The following GSE1 variants were observed in gnomAD, a reference collection of about 807,000 sequenced individuals.
GSE1 encodes genetic suppressor element 1.
In GSE1, 32 loss-of-function variants were observed where a neutral mutation model predicts 112.6. The observed-to-expected ratio is 0.28, with a 90% CI of 0.21 to 0.38. The LOEUF (loss-of-function observed/expected upper bound fraction) is 0.38, where lower values mean the gene tolerates loss of function less well. Among genes scored for constraint, GSE1 ranks in the 10% least tolerant of loss-of-function variants. The pLI is 1.00. For synonymous variants in GSE1, 1,115 were observed against 735.6 expected, an observed-to-expected ratio of 1.52 and a Z score of -8.35; for missense variants, 2,348 against 1,699.2, an observed-to-expected ratio of 1.38 and a Z score of -6.71.
Position 85,528,722 on chromosome 16 carries a change from G to T in GSE1, c.2465-105192G>T, listed in dbSNP as rs1190864321. ...AGGAAGGGCCTTCTGATACCCTTTGGCAGAGCACAGAAGAAACCAAGGGTG... is the reference window on the plus strand; with the variant it reads ...AGGAAGGGCCTTCTGATACCCTTTGTCAGAGCACAGAAGAAACCAAGGGTG... On this transcript the variant is annotated intron_variant, in intron 2 of 2. Coordinates refer to the GSE1 transcript ENST00000637419. Among the ~76,000 whole-genome samples, 5 of 152,132 alleles carry T rather than the reference G, an allele frequency of 3.3e-5. No homozygotes were observed. The East Asian group carries it at 9.6e-4, about 29-fold the overall frequency.
At chr16:85,461,914 C>G (rs888838059) in intron 2 of GSE1, among the ~76,000 whole-genome samples, 3 of 152,156 alleles carry the variant, frequency 2.0e-5, no homozygotes, top group African/African-American at 4.8e-5. Context: ...CCTTCCTGCT[C>G]TCCTCCCAGC....
At chr16:85,220,886 G>A (rs538042186) in intron 1 of GSE1, among the ~76,000 whole-genome samples, 2 of 150,880 alleles carry the variant, frequency 1.3e-5, no homozygotes, top group East Asian at 2.0e-4. Context: ...TTCCCAAATC[G>A]TGCCCCCCAC....
chr16:85,241,976 G>A (rs183835019), intron 1 of GSE1, among the ~76,000 whole-genome samples: 2 of 152,082 alleles, frequency 1.3e-5, no homozygotes, highest in Non-Finnish European at 2.9e-5. Flanking sequence ...CCCAGTTGCT[G>A]TCTGCACCTG....
chr16:85,481,626 C>T (rs1011290741), intron 2 of GSE1, among the ~76,000 whole-genome samples: 5 of 152,148 alleles, frequency 3.3e-5, no homozygotes, highest in Admixed American at 1.3e-4. Flanking sequence ...TCTGGAAGTG[C>T]TTGATGTGGT....
chr16:85,195,763 G>T (rs2074914919), intron 1 of GSE1, among the ~76,000 whole-genome samples: 1 of 152,224 alleles, frequency 6.6e-6, no homozygotes, highest in South Asian at 2.1e-4. Context: ...TGCTGAGACT[G>T]TCCCGGAAAG....
At chr16:85,385,045 C>T (rs2151630462) in intron 2 of GSE1, among the ~76,000 whole-genome samples, 1 of 152,392 alleles carries the variant, frequency 6.6e-6, no homozygotes, top group Non-Finnish European at 1.5e-5. Flanking sequence ...TCATAAAAGT[C>T]TCACTGGCTC....
intron 2 of GSE1, among the ~76,000 whole-genome samples, chr16:85,396,636 A>G (rs2047972729): frequency 6.6e-6 from 1 of 152,194 alleles, no homozygotes; most frequent in East Asian, 1.9e-4. Flanking sequence ...TGGGAGCAGG[A>G]TTTCTGCTCA....
chr16:85,610,001 T>C (rs978327589), upstream of GSE1, among the ~76,000 whole-genome samples: 1 of 152,220 alleles, frequency 6.6e-6, no homozygotes, highest in Non-Finnish European at 1.5e-5. Flanking sequence ...GCAGGTCTAA[T>C]AGGTTCCAGG....
intron 1 of GSE1, among the ~76,000 whole-genome samples, 173 bp downstream of exon 1, chr16:85,613,571 C>T (rs924405289): frequency 6.6e-6 from 1 of 151,488 alleles, no homozygotes; most frequent in African/African-American, 2.4e-5. Context: ...CAAAGGCCAC[C>T]CCCTTCCTCC....
At chr16:85,527,758 C>T (rs1049160563) in intron 2 of GSE1, among the ~76,000 whole-genome samples, 14 of 152,228 alleles carry the variant, frequency 9.2e-5, no homozygotes, top group Non-Finnish European at 1.8e-4. Context: ...TTGCCCACAC[C>T]GATGGACGTG....
intron 2 of GSE1, among the ~76,000 whole-genome samples, chr16:85,488,711 G>C (rs1434842073): frequency 2.0e-5 from 3 of 152,196 alleles, no homozygotes; most frequent in East Asian, 1.9e-4. Flanking sequence ...GTGAGGTGGA[G>C]AGCAGAGGAC....
chr16:85,495,495 T>G (rs1199987888), intron 2 of GSE1, among the ~76,000 whole-genome samples: 2 of 151,176 alleles, frequency 1.3e-5, no homozygotes, highest in Admixed American at 1.3e-4. Context: ...ATTTATTCAT[T>G]TATGTTTTAT....
chr16:85,263,896 A>G (rs1203360583), intron 1 of GSE1, among the ~76,000 whole-genome samples: 1 of 152,150 alleles, frequency 6.6e-6, no homozygotes, highest in African/African-American at 2.4e-5. Flanking sequence ...TGTATTCGTC[A>G]TTCCAGGTCT....
chr16:85,664,894 C>T (rs2052712279), intron 11 of GSE1, 121 bp from the exon 12 acceptor site: 1 of 668,716 alleles, frequency 1.5e-6, no homozygotes, highest in Non-Finnish European at 2.7e-6. Flanking sequence ...ATCACACCTG[C>T]TTTTGGTTTT....
intron 2 of GSE1, among the ~76,000 whole-genome samples, chr16:85,411,111 GC>G (rs1211238571): frequency 3.0e-4 from 34 of 112,378 alleles, no homozygotes; most frequent in African/African-American, 5.1e-4. Context: ...TTACACTCAG[GC>G]CCCCCGGATA....
rs2045783318 is a variant in GSE1 at position 85,309,781 on chromosome 16, G to A, written c.2284-47682G>A. On this transcript the variant is annotated intron_variant, in intron 1 of 2. Coordinates refer to the GSE1 transcript ENST00000637419. ...GCAGGCTGAGCCCTGGGTCTGGGCC[G>A]GCTGGCGGCCTGGGGTTGGGGTTTC... 3.3e-5 allele frequency among the ~76,000 whole-genome samples: 5 copies of A among 152,240 alleles called. No individual in the cohort carries two copies. The South Asian group carries it at 8.3e-4, about 25-fold the overall frequency.
chr16:85,253,068 CA>C (rs1471971049), intron 1 of GSE1, among the ~76,000 whole-genome samples: 777 of 71,346 alleles, frequency 0.011, 10 homozygotes, highest in Non-Finnish European at 0.012. Flanking sequence ...GCCCCCCCCC[CA>C]CCCCCCCCCC....
intron 1 of GSE1, among the ~76,000 whole-genome samples, chr16:85,313,004 C>A (rs1459345912): frequency 6.6e-6 from 1 of 151,214 alleles, no homozygotes; most frequent in East Asian, 2.0e-4. Flanking sequence ...CTGGAGCGGG[C>A]AGCCTCCCTG....
chr16:85,644,349 A>G (rs2050683021), intron 2 of GSE1, among the ~76,000 whole-genome samples: 2 of 151,800 alleles, frequency 1.3e-5, no homozygotes, highest in South Asian at 2.1e-4. Flanking sequence ...GTCTCAAAAA[A>G]AAAAAAAAAA....
Sources: gnomAD v4.1 joint callset for allele counts (sites outside exome capture counted in the v4.1 genomes callset) on GRCh38, gnomAD v4.1.1 for gene constraint, MANE v1.5 for transcripts, NCBI Gene and HGNC (gene_info 2026-07-23, HGNC 2026-07-21) for gene names.